SPATA17: variants seen among roughly 807,000 people sequenced by gnomAD.
SPATA17 encodes spermatogenesis-associated protein 17.
In SPATA17, 53 loss-of-function variants were observed where a neutral mutation model predicts 62.2. The observed-to-expected ratio is 0.85, with a 90% CI of 0.68 to 1.07. The LOEUF is 1.07. SPATA17 is among the 50% of genes least tolerant of loss of function. The pLI, the probability that SPATA17 is intolerant of heterozygous loss-of-function variation, is 0.00. For synonymous variants in SPATA17, 146 were observed against 146.8 expected, an observed-to-expected ratio of 0.99 and a Z score of 0.04; for missense variants, 466 against 425.5, an observed-to-expected ratio of 1.10 and a Z score of -0.84.
At chr1:217,651,708 G>GT (rs1418783548) in intron 3 of SPATA17, among the ~76,000 whole-genome samples, 10 of 152,078 alleles carry the variant, frequency 6.6e-5, no homozygotes, top group Non-Finnish European at 8.8e-5. Context: ...TTCCAGAATG[G>GT]TTTTTTATGG....
chr1:217,815,382 T>G (rs536685705), intron 9 of SPATA17, among the ~76,000 whole-genome samples: 15 of 152,162 alleles, frequency 9.9e-5, no homozygotes, highest in Non-Finnish European at 1.0e-4. Context: ...AGAATTCGAA[T>G]GGATATTTAT....
chr1:217,795,009 C>T (rs562957235), intron 8 of SPATA17, among the ~76,000 whole-genome samples: 36 of 152,256 alleles, frequency 2.4e-4, no homozygotes, highest in South Asian at 1.5e-3. Flanking sequence ...ATTAATACTA[C>T]GCTAACAGTC....
chr1:217,796,951 A>G (rs1418224973), intron 8 of SPATA17, among the ~76,000 whole-genome samples: 1 of 152,234 alleles, frequency 6.6e-6, no homozygotes, highest in Non-Finnish European at 1.5e-5. Context: ...CAAATATTCA[A>G]CAACTTATGG....
In SPATA17 at chr1:217,801,835, A is replaced by G; in HGVS notation, c.990A>G (p.Lys330=). The change falls in exon 9 of 11, where the codon AAA becomes AAG. Residue 330 remains lysine, a synonymous_variant. Coordinates refer to ENST00000366933, the MANE Select transcript of SPATA17 (RefSeq NM_138796.4). The part of the protein sequence containing the change: ...KEQFRSENPK[K]WICDKDFQTV... ...AATTCCGAAGTGAAAATCCTAAGAA[A>G]TGGATCTGTGACAAGGTGAGTTAAC... 1.2e-6 allele frequency: 2 copies of G among 1,607,968 alleles called. No individual in the cohort carries two copies. The highest frequency in any genetic ancestry group is 2.7e-5 in the African/African-American group (2 of 74,688).
chr1:217,632,434 G>A (rs1669820497), intron 1 of SPATA17, among the ~76,000 whole-genome samples: 1 of 152,122 alleles, frequency 6.6e-6, no homozygotes, highest in Non-Finnish European at 1.5e-5. Flanking sequence ...GGAATACAGT[G>A]ACATGACAGA....
intron 9 of SPATA17, among the ~76,000 whole-genome samples, chr1:217,840,136 A>G (rs186654414): frequency 1.4e-4 from 22 of 152,288 alleles, no homozygotes; most frequent in African/African-American, 4.6e-4. Context: ...TAATGTCTCA[A>G]TTTGTAAGAC....
Position 217,669,047 on chromosome 1 carries a change from T to A in SPATA17, c.255T>A (p.Thr85=), listed in dbSNP as rs150893907. Residue 85 remains threonine (T), a synonymous_variant, in exon 4 of 11, where the codon ACT becomes ACA. Transcript: ENST00000366933. ...YQLTVQVAYY[T]MMMNLYNAMA... ...TTGATTCACAGGTAGCATATTATAC[T>A]ATGATGATGAATCTCTACAATGCAA... is the stretch of plus-strand genomic sequence containing the variant. 2 of 1,611,884 alleles carry A rather than the reference T, an allele frequency of 1.2e-6. No individual in the cohort carries two copies. Among genetic ancestry groups the A allele is most frequent in the Non-Finnish European group, 1.7e-6 (2 of 1,179,168 alleles).
At chr1:217,828,642 A>G (rs562719569) in intron 9 of SPATA17, among the ~76,000 whole-genome samples, 108 of 152,054 alleles carry the variant, frequency 7.1e-4, no homozygotes, top group African/African-American at 2.6e-3. Flanking sequence ...AAAGGAAACA[A>G]TCAACAACAT....
intron 6 of SPATA17, among the ~76,000 whole-genome samples, chr1:217,773,784 C>T (rs559744612): frequency 7.2e-5 from 11 of 151,938 alleles, no homozygotes; most frequent in Non-Finnish European, 1.6e-4. Flanking sequence ...ATAGGTGATA[C>T]CTGTAGCATT....
intron 10 of SPATA17, among the ~76,000 whole-genome samples, chr1:217,864,081 A>G (rs903104689): frequency 6.6e-6 from 1 of 152,244 alleles, no homozygotes; most frequent in African/African-American, 2.4e-5. Flanking sequence ...ATGAGGGGAA[A>G]TATGAAATAT....
intron 7 of SPATA17, among the ~76,000 whole-genome samples, chr1:217,775,125 G>C (rs1054947083): frequency 6.6e-6 from 1 of 152,144 alleles, no homozygotes; most frequent in African/African-American, 2.4e-5. Context: ...CAGGGCACAA[G>C]GGTTCCAATT....
Position 217,805,863 on chromosome 1 carries a change from CAAAGT to C in SPATA17, c.1005+4016_1005+4020del, listed in dbSNP as rs1558058447. ...AATATTGTTAAAATGTCCATACAAC[CAAAGT>C]AATCTGTTGAGTTACTGCAGGTGTA... On this transcript the variant is annotated intron_variant, in intron 9 of 10. Coordinates refer to ENST00000366933, the MANE Select transcript of SPATA17 (RefSeq NM_138796.4). Among the ~76,000 whole-genome samples the C allele has an allele frequency of 3.9e-5, 6 of 152,278 alleles. No homozygotes were observed. The South Asian group carries it at 1.2e-3, about 32-fold the overall frequency.
intron 9 of SPATA17, among the ~76,000 whole-genome samples, chr1:217,811,235 T>C (rs1222233859): frequency 6.6e-6 from 1 of 152,048 alleles, no homozygotes; most frequent in Non-Finnish European, 1.5e-5. Context: ...GGTTTAACCA[T>C]GCTGGCCAGG....
intron 5 of SPATA17, among the ~76,000 whole-genome samples, chr1:217,698,234 G>C (rs746296102): frequency 6.6e-6 from 1 of 152,256 alleles, no homozygotes; most frequent in Non-Finnish European, 1.5e-5. Flanking sequence ...GGGAGTTTGA[G>C]AACAGCCTGG....
chr1:217,730,256 C>A (rs1465123985), intron 5 of SPATA17, among the ~76,000 whole-genome samples: 1 of 148,976 alleles, frequency 6.7e-6, no homozygotes, highest in East Asian at 2.0e-4. Context: ...CTCACTCTGT[C>A]GCCAAGGCTA....
intron 6 of SPATA17, among the ~76,000 whole-genome samples, chr1:217,764,147 T>C (rs768672628): frequency 4.6e-5 from 7 of 152,152 alleles, no homozygotes; most frequent in Non-Finnish European, 7.4e-5. Flanking sequence ...GTATGTTCTA[T>C]GGGTTTAACA....
At chr1:217,673,073 G>T (rs925632956) in intron 4 of SPATA17, among the ~76,000 whole-genome samples, 10 of 152,204 alleles carry the variant, frequency 6.6e-5, no homozygotes, top group African/African-American at 2.4e-4. Flanking sequence ...AAGTGTGTTT[G>T]TTGCAACTTA....
At chr1:217,815,906 T>G (rs1674700873) in intron 9 of SPATA17, among the ~76,000 whole-genome samples, 1 of 152,184 alleles carries the variant, frequency 6.6e-6, no homozygotes, top group Non-Finnish European at 1.5e-5. Flanking sequence ...ATCTCATTGG[T>G]TCTCTTTCCT....
At position 217,801,758 on chromosome 1, in the gene SPATA17, A is replaced by G. The variant is rs1473188978; in HGVS notation, c.913A>G (p.Ile305Val). Residue 305 changes from isoleucine (I) to valine (V), a missense_variant, in exon 9 of 11, where the codon ATC (isoleucine) becomes GTC (valine). By Grantham distance (29) the Ile-to-Val change is conservative (BLOSUM62 3). Transcript: ENST00000366933. Reference sequence around the variant, plus strand: ...TTCATACCATAAAAATGAAAAGTACATCCCATCAATGCATTTATCAAGCAA... The same window carrying G: ...TTCATACCATAAAAATGAAAAGTACGTCCCATCAATGCATTTATCAAGCAA... The part of the protein sequence containing the change: ...FSSYHKNEKY[I>V]PSMHLSSKYG... 1 of 1,609,856 alleles carries G rather than the reference A, an allele frequency of 6.2e-7. No homozygotes were observed. The highest frequency in any genetic ancestry group is 1.3e-5 in the African/African-American group (1 of 74,862).
Sources: gnomAD v4.1 joint callset for allele counts (sites outside exome capture counted in the v4.1 genomes callset) on GRCh38, gnomAD v4.1.1 for gene constraint, MANE v1.5 for transcripts, NCBI Gene and HGNC (gene_info 2026-07-23, HGNC 2026-07-21) for gene names.